The following ELMO1 variants were observed in gnomAD, a reference collection of about 807,000 sequenced individuals.
The protein encoded by ELMO1 is engulfment and cell motility protein 1.
In ELMO1, 26 loss-of-function variants were observed where a neutral mutation model predicts 98.9. That is an observed-to-expected ratio of 0.26 (90% confidence interval 0.19 to 0.36). The LOEUF is 0.36. Ranked by LOEUF, ELMO1 falls within the 10% of genes least tolerant of loss-of-function variation. The pLI is 1.00. For synonymous variants in ELMO1, 346 were observed against 346.0 expected (o/e 1.00, Z 0.00); for missense variants, 627 against 935.2 (o/e 0.67, Z 4.30).
intron 13 of ELMO1, among the ~76,000 whole-genome samples, chr7:37,168,490 G>A (rs1789896600): frequency 6.6e-6 from 1 of 152,082 alleles, no homozygotes; most frequent in Non-Finnish European, 1.5e-5. Context: ...GGTCTTTGAT[G>A]ATGGTGATGT....
intron 13 of ELMO1, among the ~76,000 whole-genome samples, chr7:37,187,179 C>T (rs1163394275): frequency 6.6e-6 from 1 of 152,126 alleles, no homozygotes; most frequent in African/African-American, 2.4e-5. Flanking sequence ...AACTTGAAAA[C>T]ACCATGCTAA....
At chr7:37,034,973 G>A (rs142814128) in intron 15 of ELMO1, among the ~76,000 whole-genome samples, 1 of 152,202 alleles carries the variant, frequency 6.6e-6, no homozygotes, top group South Asian at 2.1e-4. Context: ...ATAGATAAAG[G>A]CAGCCCTGAT....
intron 16 of ELMO1, among the ~76,000 whole-genome samples, chr7:36,963,476 A>G (rs1388291726): frequency 6.6e-6 from 1 of 152,192 alleles, no homozygotes; most frequent in African/African-American, 2.4e-5. Context: ...GGGACCACAG[A>G]AAAGTTGGGA....
intron 15 of ELMO1, among the ~76,000 whole-genome samples, chr7:37,086,310 A>G (rs1013379366): frequency 6.0e-5 from 9 of 151,250 alleles, no homozygotes; most frequent in African/African-American, 1.9e-4. Context: ...TAAAAGAAAC[A>G]TTTTTGTAAC....
Position 36,855,692 on chromosome 7 carries a change from C to T in ELMO1, c.2043G>A (p.Leu681=). 1.2e-6 allele frequency: 2 copies of T among 1,614,118 alleles called. No individual in the cohort carries two copies. Among genetic ancestry groups the T allele is most frequent in the East Asian group, 4.5e-5 (2 of 44,876 alleles). ...GCAGGGTGTCCAGGTCATTCCGCGTCAGGTCGCTCATCATGTCCTTCCCGA... is the reference window on the plus strand; with the variant it reads ...GCAGGGTGTCCAGGTCATTCCGCGTTAGGTCGCTCATCATGTCCTTCCCGA... ...ALLGKDMMSD[L]TRNDLDTLLS... is the part of the protein sequence containing the mutation. Residue 681 remains leucine (L), a synonymous_variant, in exon 22 of 22, where the codon CTG becomes CTA. Coordinates refer to ENST00000310758, the MANE Select transcript of ELMO1 (RefSeq NM_014800.11). The surrounding 1 kb of genome is among the most constrained non-coding windows in gnomAD (Gnocchi z 4.2).
intron 4 of ELMO1, among the ~76,000 whole-genome samples, chr7:37,298,130 A>G (rs1483449505): frequency 6.6e-6 from 1 of 152,134 alleles, no homozygotes; most frequent in Admixed American, 6.5e-5. Context: ...GCTTTATACT[A>G]GTTGTATTAA....
At chr7:37,031,705 A>G (rs1444139153) in intron 15 of ELMO1, among the ~76,000 whole-genome samples, 1 of 152,136 alleles carries the variant, frequency 6.6e-6, no homozygotes, top group African/African-American at 2.4e-5. Flanking sequence ...GTCTTTATAT[A>G]TTCAGTACTT....
intron 16 of ELMO1, chr7:36,985,210 T>C (rs528343913): frequency 5.4e-6 from 4 of 736,168 alleles, no homozygotes; most frequent in Admixed American, 6.3e-5. Context: ...TCCTTGAATA[T>C]AACTTTGCAA....
chr7:37,203,424 C>G (rs1023286757), intron 13 of ELMO1, among the ~76,000 whole-genome samples: 1 of 152,166 alleles, frequency 6.6e-6, no homozygotes, highest in Non-Finnish European at 1.5e-5. Flanking sequence ...AGGAAGGATA[C>G]AATTTCTGAG....
intron 6 of ELMO1, among the ~76,000 whole-genome samples, chr7:37,253,308 CAA>C (rs1330206747): frequency 5.3e-5 from 8 of 152,152 alleles, no homozygotes; most frequent in Non-Finnish European, 1.2e-4. Context: ...TGCACAATAG[CAA>C]AGACTTGCAA....
Position 37,434,642 on chromosome 7 carries a change from C to T in ELMO1, c.-74+14033G>A, listed in dbSNP as rs554454215. ...TTGGGTAAAACTCTTCAGTCACTTC[C>T]CTTTGCCCTTTTGATAAAAGCTCAG... On this transcript the variant is annotated intron_variant, in intron 1 of 21. Coordinates refer to ENST00000310758, the MANE Select transcript of ELMO1 (RefSeq NM_014800.11). Among the ~76,000 whole-genome samples the T allele has an allele frequency of 3.3e-5, 5 of 152,264 alleles. No homozygotes were observed. In the East Asian group the frequency reaches 7.7e-4, roughly 24 times the overall value.
intron 16 of ELMO1, among the ~76,000 whole-genome samples, chr7:36,997,032 T>C (rs1251808340): frequency 6.6e-6 from 1 of 152,188 alleles, no homozygotes; most frequent in Non-Finnish European, 1.5e-5. Context: ...AAGGTGTTTC[T>C]GGCAGCTAGG....
chr7:37,233,352 T>C (rs56085102), intron 7 of ELMO1, among the ~76,000 whole-genome samples, 158 bp from the exon 8 acceptor site: 1 of 151,924 alleles, frequency 6.6e-6, no homozygotes, highest in Non-Finnish European at 1.5e-5. Context: ...ATGAGTGACA[T>C]GAAGGGGCAG....
At chr7:37,189,532 C>CA (rs1385366678) in intron 13 of ELMO1, among the ~76,000 whole-genome samples, 4 of 152,148 alleles carry the variant, frequency 2.6e-5, no homozygotes, top group Non-Finnish European at 5.9e-5. Flanking sequence ...TAATGAACAT[C>CA]AAGACCTCTG....
At chr7:37,341,654 A>G (rs1800729578) in intron 2 of ELMO1, among the ~76,000 whole-genome samples, 1 of 152,240 alleles carries the variant, frequency 6.6e-6, no homozygotes, top group Admixed American at 6.5e-5. Flanking sequence ...GATTCGCACA[A>G]TTCCATATAA....
intron 14 of ELMO1, among the ~76,000 whole-genome samples, chr7:37,105,065 A>C (rs1214087828): frequency 6.6e-6 from 1 of 152,226 alleles, no homozygotes; most frequent in Admixed American, 6.5e-5. Flanking sequence ...GGAGCTTCAT[A>C]ATAGACCTCA....
intron 1 of ELMO1, chr7:37,375,579 G>T: frequency 4.5e-6 from 5 of 1,113,954 alleles, no homozygotes; most frequent in Non-Finnish European, 6.9e-6. Context: ...TAAGGAGGGA[G>T]TCATGGTGGC....
intron 15 of ELMO1, among the ~76,000 whole-genome samples, chr7:37,074,146 A>T (rs1797433318): frequency 6.7e-6 from 1 of 148,172 alleles, no homozygotes; most frequent in African/African-American, 2.4e-5. Context: ...TCAATATAAT[A>T]CTATATATTT....
At chr7:37,136,983 A>G (rs1787306162) in intron 13 of ELMO1, among the ~76,000 whole-genome samples, 1 of 152,192 alleles carries the variant, frequency 6.6e-6, no homozygotes, top group Non-Finnish European at 1.5e-5. Context: ...GGCAGAAAGG[A>G]TAAGAATTCA....
Sources: gnomAD v4.1 joint callset for allele counts (sites outside exome capture counted in the v4.1 genomes callset) on GRCh38, gnomAD v4.1.1 for gene constraint, Gnocchi (gnomAD v3.1) non-coding constraint, MANE v1.5 for transcripts, NCBI Gene and HGNC (gene_info 2026-07-23, HGNC 2026-07-21) for gene names.